PPFIA2: variants seen among roughly 807,000 people sequenced by gnomAD.
The protein encoded by PPFIA2 is liprin-alpha-2.
Under a neutral mutation model 175.5 loss-of-function variants are expected in PPFIA2, and 46 were observed. The observed-to-expected ratio is 0.26, with a 90% CI of 0.21 to 0.34. The LOEUF (loss-of-function observed/expected upper bound fraction) is 0.34, where lower values mean the gene tolerates loss of function less well. Ranked by LOEUF, PPFIA2 falls within the 10% of genes least tolerant of loss-of-function variation. PPFIA2 has a pLI of 1.00. For synonymous variants in PPFIA2, 568 were observed against 511.4 expected, an observed-to-expected ratio of 1.11 and a Z score of -1.49; for missense variants, 1,179 against 1,506.1, an observed-to-expected ratio of 0.78 and a Z score of 3.60.
At chr12:81,398,524 T>G (rs1397662634) in intron 8 of PPFIA2, among the ~76,000 whole-genome samples, 2 of 152,136 alleles carry the variant, frequency 1.3e-5, no homozygotes, top group Non-Finnish European at 2.9e-5. Context: ...CCAATCCCCC[T>G]GTTCATGAGC....
At chr12:81,706,599 T>C (rs1035483507) in intron 3 of PPFIA2, among the ~76,000 whole-genome samples, 1 of 152,182 alleles carries the variant, frequency 6.6e-6, no homozygotes, top group Non-Finnish European at 1.5e-5. Context: ...CAGGTAGAAA[T>C]GTATAGTAAT....
intron 4 of PPFIA2, chr12:81,546,160 A>G (rs2066963460): frequency 6.5e-6 from 1 of 152,878 alleles, no homozygotes; most frequent in African/African-American, 2.4e-5. Flanking sequence ...CATCCGAGAA[A>G]GAGGTAAAGC....
chr12:81,416,080 G>T (rs2045198749), intron 7 of PPFIA2, among the ~76,000 whole-genome samples: 1 of 151,558 alleles, frequency 6.6e-6, no homozygotes, highest in Non-Finnish European at 1.5e-5. Flanking sequence ...AGAATTAGTG[G>T]ACATTGTTAA....
intron 4 of PPFIA2, among the ~76,000 whole-genome samples, chr12:81,589,442 A>T (rs2058419855): frequency 6.6e-6 from 1 of 152,076 alleles, no homozygotes; most frequent in Non-Finnish European, 1.5e-5. Flanking sequence ...ATAAATATGT[A>T]TTTGCAACTA....
At chr12:81,694,643 G>A (rs1415043436) in intron 3 of PPFIA2, among the ~76,000 whole-genome samples, 1 of 152,144 alleles carries the variant, frequency 6.6e-6, no homozygotes, top group African/African-American at 2.4e-5. Context: ...AGCTCCAATG[G>A]GAAAAGTTGG....
At chr12:81,633,780 A>T (rs910427596) in intron 4 of PPFIA2, among the ~76,000 whole-genome samples, 1 of 152,106 alleles carries the variant, frequency 6.6e-6, no homozygotes, top group Admixed American at 6.5e-5. Flanking sequence ...AAAATTAGCC[A>T]TAATTCCTTA....
chr12:81,465,370 A>T (rs1414647332), intron 4 of PPFIA2: 1 of 152,104 alleles, frequency 6.6e-6, no homozygotes, highest in East Asian at 1.9e-4. Context: ...GACCACAAAA[A>T]AGCATCTTTT....
At chr12:81,710,694 C>G (rs2077779692) in intron 3 of PPFIA2, among the ~76,000 whole-genome samples, 1 of 151,966 alleles carries the variant, frequency 6.6e-6, no homozygotes, top group African/African-American at 2.4e-5. Flanking sequence ...ACACATAGAA[C>G]TGAGATATTT....
chr12:81,272,208 G>A (rs1386868767), intron 28 of PPFIA2, among the ~76,000 whole-genome samples: 2 of 151,848 alleles, frequency 1.3e-5, no homozygotes, highest in African/African-American at 2.4e-5. Context: ...TTTTATTTCC[G>A]CTTTTATTTT....
chr12:81,343,887 G>A (rs954396918), intron 19 of PPFIA2, among the ~76,000 whole-genome samples: 4 of 151,982 alleles, frequency 2.6e-5, no homozygotes, highest in African/African-American at 9.7e-5. Context: ...GTTAATTCCT[G>A]GAAATAGCAC....
At chr12:81,403,713 T>G (rs1444394631) in intron 8 of PPFIA2, among the ~76,000 whole-genome samples, 1 of 152,058 alleles carries the variant, frequency 6.6e-6, no homozygotes, top group Non-Finnish European at 1.5e-5. Flanking sequence ...ACTCAACTGG[T>G]AAGGGAAAAA....
intron 4 of PPFIA2, among the ~76,000 whole-genome samples, chr12:81,525,248 A>G (rs1336155989): frequency 6.6e-6 from 1 of 152,170 alleles, no homozygotes. Flanking sequence ...CACTTTCTAT[A>G]CATTCCCTCT....
chr12:81,475,719 T>C (rs536569453), intron 4 of PPFIA2, among the ~76,000 whole-genome samples: 95 of 152,278 alleles, frequency 6.2e-4, no homozygotes, highest in African/African-American at 2.2e-3. Context: ...CTTTTTGTTA[T>C]TGTTGTTGTT....
rs1446647017 is a variant in PPFIA2, at chr12:81,436,337, C to A, written c.645+3635G>T. 1.1e-4 allele frequency among the ~76,000 whole-genome samples: 11 copies of A among 100,002 alleles called. No homozygotes were observed. The East Asian group carries it at 3.1e-3, about 28-fold the overall frequency. The allele number at this position is 100,002 out of a possible 152,430, so 65.6% of individuals were successfully genotyped here. A position where few individuals can be genotyped will look rare whatever the true frequency, so the allele number is the denominator to read the frequency against. On this transcript the variant is annotated intron_variant, in intron 7 of 32. Transcript: ENST00000549396. ...AAAAAAAAAAAAAAAAAAGTTAAATCTGATGCATCAGATAAACGTTTCTCC... is the reference window on the plus strand; with the variant it reads ...AAAAAAAAAAAAAAAAAAGTTAAATATGATGCATCAGATAAACGTTTCTCC...
chr12:81,683,469 C>T (rs1184749310), intron 3 of PPFIA2, among the ~76,000 whole-genome samples: 1 of 151,968 alleles, frequency 6.6e-6, no homozygotes, highest in Non-Finnish European at 1.5e-5. Flanking sequence ...GATCACATTG[C>T]TGTCTTGACC....
chr12:81,757,153 C>A (rs2084808648), intron 2 of PPFIA2, among the ~76,000 whole-genome samples: 1 of 152,006 alleles, frequency 6.6e-6, no homozygotes, highest in African/African-American at 2.4e-5. Context: ...GTATTAAAAG[C>A]AATTAAAGAT....
intron 26 of PPFIA2, 119 bp downstream of exon 26, chr12:81,282,891 C>A: frequency 1.3e-6 from 1 of 762,180 alleles, no homozygotes. Context: ...CTATACACAT[C>A]AGCCTAATAT....
Position 81,653,084 on chromosome 12 carries a change from C to A in PPFIA2, c.303+23707G>T, listed in dbSNP as rs2067255511. Among the ~76,000 whole-genome samples the A allele has an allele frequency of 2.6e-5, 4 of 152,150 alleles. No individual in the cohort carries two copies. In the South Asian group the frequency reaches 8.3e-4, roughly 31 times the overall value. On this transcript the variant is annotated intron_variant, in intron 4 of 32. Transcript: ENST00000549396. ...ACCAAACTCCCACCACTTACCTGAACTCCTGTATTAGCCTAGCCCTTTACC... is the reference window on the plus strand; with the variant it reads ...ACCAAACTCCCACCACTTACCTGAAATCCTGTATTAGCCTAGCCCTTTACC...
chr12:81,565,991 C>T (rs1199649442), intron 4 of PPFIA2, among the ~76,000 whole-genome samples: 2 of 152,142 alleles, frequency 1.3e-5, no homozygotes, highest in Non-Finnish European at 2.9e-5. Context: ...ACAGGGAAAG[C>T]ACATCTTCTC....
Sources: gnomAD v4.1 joint callset for allele counts (sites outside exome capture counted in the v4.1 genomes callset) on GRCh38, gnomAD v4.1.1 for gene constraint, MANE v1.5 for transcripts, NCBI Gene and HGNC (gene_info 2026-07-23, HGNC 2026-07-21) for gene names.